Variants in SHISA9 observed in about 807,000 individuals in gnomAD.
SHISA9 encodes the protein shisa family member 9.
In SHISA9, 13 loss-of-function variants were observed where a neutral mutation model predicts 38.0. That is an observed-to-expected ratio of 0.34 (90% CI 0.22 to 0.54). The LOEUF (loss-of-function observed/expected upper bound fraction) is 0.54. Ranked by LOEUF, SHISA9 falls within the 20% of genes least tolerant of loss-of-function variation. The pLI is 0.91. For missense variants in SHISA9, 538 were observed against 575.8 expected (o/e 0.93, Z 0.67); for synonymous variants, 275 against 242.0 (o/e 1.14, Z -1.27).
chr16:12,925,724 C>T (rs956030306), intron 2 of SHISA9, among the ~76,000 whole-genome samples: 1 of 152,104 alleles, frequency 6.6e-6, no homozygotes, highest in African/African-American at 2.4e-5. Flanking sequence ...GAAAGCTTAT[C>T]CTTGGACACG....
At chr16:13,281,368 T>C in the SHISA9 span, among the ~76,000 whole-genome samples, 1 of 151,808 alleles carries the variant, frequency 6.6e-6, no homozygotes, top group African/African-American at 2.4e-5. Context: ...AGTATATCTT[T>C]TTTCGATTAT....
rs1191106226 is a variant in SHISA9 at position 13,238,158 on chromosome 16, A to C, written c.*2749A>C. The C allele has an allele frequency of 6.6e-6, 1 of 152,016 alleles. No homozygotes were observed. Among genetic ancestry groups the C allele is most frequent in the Non-Finnish European group, 1.5e-5 (1 of 67,996 alleles). The allele number at this position is 152,016 out of a possible 1,614,324, so 9.4% of individuals were successfully genotyped here. On this transcript the variant is annotated 3_prime_UTR_variant, in exon 5 of 5. Transcript: ENST00000558583. ...GTTTCTGTTTCTCTCTCTCTCTTAA[A>C]ATGATATCATCAGGTATTAAATAAT...
the SHISA9 span, among the ~76,000 whole-genome samples, chr16:13,551,190 T>A: frequency 6.6e-6 from 1 of 151,832 alleles, no homozygotes; most frequent in East Asian, 1.9e-4. Context: ...CTCTTCTTTC[T>A]TACACACAGA....
At chr16:13,552,645 T>C in the SHISA9 span, among the ~76,000 whole-genome samples, 4 of 152,330 alleles carry the variant, frequency 2.6e-5, no homozygotes, top group Non-Finnish European at 4.4e-5. Flanking sequence ...CGCTGCTATT[T>C]AAAGCCAGGT....
chr16:13,229,125 A>C (rs2051306954), intron 4 of SHISA9, among the ~76,000 whole-genome samples: 1 of 152,124 alleles, frequency 6.6e-6, no homozygotes, highest in Non-Finnish European at 1.5e-5. Flanking sequence ...GTGCCACCGC[A>C]CTCCAGCCTG....
At chr16:13,553,815 C>A in the SHISA9 span, among the ~76,000 whole-genome samples, 1 of 152,210 alleles carries the variant, frequency 6.6e-6, no homozygotes, top group South Asian at 2.1e-4. Flanking sequence ...TAACTCCTTA[C>A]AATTGAGCAT....
At position 13,228,853 on chromosome 16, in the gene SHISA9, C is replaced by G. The variant is rs1013253217; in HGVS notation, c.896-6177C>G. Among the ~76,000 whole-genome samples the G allele has an allele frequency of 2.0e-5, 3 of 152,152 alleles. No homozygotes were observed. In the South Asian group the frequency reaches 6.2e-4, roughly 32 times the overall value. Reference sequence around the variant, plus strand: ...TCCTGATCCTCTCCCTCTTCCCTCTCTCATCATTCATCAAATATTTACTGA... The same window carrying G: ...TCCTGATCCTCTCCCTCTTCCCTCTGTCATCATTCATCAAATATTTACTGA... On this transcript the variant is annotated intron_variant, in intron 4 of 4. Transcript: ENST00000558583.
At chr16:13,120,526 T>C (rs1316362698) in intron 2 of SHISA9, among the ~76,000 whole-genome samples, 2 of 152,110 alleles carry the variant, frequency 1.3e-5, no homozygotes, top group East Asian at 3.9e-4. Context: ...TTCACATAAA[T>C]ATTTATGTCA....
chr16:13,341,300 T>A, the SHISA9 span, among the ~76,000 whole-genome samples: 2 of 152,220 alleles, frequency 1.3e-5, no homozygotes, highest in East Asian at 3.8e-4. Flanking sequence ...AGTATGCTTT[T>A]TTCTTCACAT....
intron 2 of SHISA9, among the ~76,000 whole-genome samples, chr16:12,969,255 C>T (rs977488868): frequency 6.6e-6 from 1 of 151,906 alleles, no homozygotes; most frequent in African/African-American, 2.4e-5. Context: ...CACCATTCAC[C>T]TACAGTGAAC....
At chr16:13,497,992 G>GA in the SHISA9 span, among the ~76,000 whole-genome samples, 4 of 151,142 alleles carry the variant, frequency 2.6e-5, no homozygotes, top group Non-Finnish European at 5.9e-5. Flanking sequence ...GTGAGCAATA[G>GA]AAAAAAAATC....
intron 4 of SHISA9, among the ~76,000 whole-genome samples, chr16:13,218,436 A>G (rs1469723567): frequency 5.3e-5 from 8 of 152,206 alleles, no homozygotes; most frequent in East Asian, 1.9e-4. Flanking sequence ...GTTCTTCCCA[A>G]TGTATTTTTG....
In SHISA9 at chr16:12,936,817, C is replaced by T. The variant is rs78411850; in HGVS notation, c.691+20002C>T. 3.9e-3 allele frequency among the ~76,000 whole-genome samples: 590 copies of T among 152,252 alleles called. 25 individuals carry two copies. The East Asian group carries it at 0.098, about 25-fold the overall frequency. ...ACTGTTATTTTGTAAAACCCCTACT[C>T]GGTGCCTATGAATGATGCCATATGG... On this transcript the variant is annotated intron_variant, in intron 2 of 4. Coordinates refer to ENST00000558583, the MANE Select transcript of SHISA9 (RefSeq NM_001145204.3).
At chr16:13,028,906 G>A (rs138832876) in intron 2 of SHISA9, among the ~76,000 whole-genome samples, 1 of 152,218 alleles carries the variant, frequency 6.6e-6, no homozygotes, top group African/African-American at 2.4e-5. Flanking sequence ...AAAACTACAT[G>A]GAGTGTGAGT....
chr16:13,261,243 G>A, the SHISA9 span, among the ~76,000 whole-genome samples: 1 of 152,096 alleles, frequency 6.6e-6, no homozygotes, highest in Admixed American at 6.6e-5. Context: ...TGGGAATTTA[G>A]GGTATTTTAG....
At chr16:12,957,410 G>T (rs1039916363) in intron 2 of SHISA9, among the ~76,000 whole-genome samples, 1 of 152,130 alleles carries the variant, frequency 6.6e-6, no homozygotes, top group Non-Finnish European at 1.5e-5. Flanking sequence ...TGAGATCAGG[G>T]TGCCAGCGTG....
At chr16:13,396,501 C>T in the SHISA9 span, among the ~76,000 whole-genome samples, 1 of 152,072 alleles carries the variant, frequency 6.6e-6, no homozygotes, top group Non-Finnish European at 1.5e-5. Context: ...GCCAACTCCC[C>T]GACCCTCAAC....
the SHISA9 span, among the ~76,000 whole-genome samples, chr16:13,367,858 C>A: frequency 1.3e-5 from 2 of 151,880 alleles, no homozygotes; most frequent in African/African-American, 2.4e-5. Context: ...CAAATCCACA[C>A]CATTAGTAGC....
chr16:13,463,483 C>G, the SHISA9 span, among the ~76,000 whole-genome samples: 1 of 152,168 alleles, frequency 6.6e-6, no homozygotes, highest in Non-Finnish European at 1.5e-5. Flanking sequence ...CTCGGGAGCT[C>G]TGTTGCCTTC....
Sources: gnomAD v4.1 joint callset for allele counts (sites outside exome capture counted in the v4.1 genomes callset) on GRCh38, gnomAD v4.1.1 for gene constraint, MANE v1.5 for transcripts, NCBI Gene and HGNC (gene_info 2026-07-23, HGNC 2026-07-21) for gene names.